SHISAL2B: variants seen among roughly 807,000 people sequenced by gnomAD.
The protein encoded by SHISAL2B is shisa like 2B, also known as protein shisa-like-2B.
Under a neutral mutation model 16.5 loss-of-function variants are expected in SHISAL2B, and 12 were observed. That is an observed-to-expected ratio of 0.73 (90% CI 0.47 to 1.18). The LOEUF (loss-of-function observed/expected upper bound fraction) is 1.18, where lower values mean the gene tolerates loss of function less well. Among genes scored for constraint, SHISAL2B ranks in the 50% most tolerant of loss-of-function variants. SHISAL2B has a pLI of 0.00. For synonymous variants in SHISAL2B, 72 were observed against 75.0 expected, an observed-to-expected ratio of 0.96 and a Z score of 0.21; for missense variants, 183 against 193.6, an observed-to-expected ratio of 0.95 and a Z score of 0.33.
Position 64,717,893 on chromosome 5 carries a change from G to C in SHISAL2B, c.354G>C (p.Lys118Asn), listed in dbSNP as rs1742079946. The change falls in exon 3 of 3, where the codon AAG becomes AAC. Residue 118 changes from lysine (K) to asparagine (N), a missense_variant. Physicochemically the swap from Lys to Asn is moderately conservative, Grantham distance 94. Coordinates refer to ENST00000389074, the MANE Select transcript of SHISAL2B (RefSeq NM_001164442.2). ...HLEASSTQEG[K>N]SNGKTKALNS... ...TTTTGTTTTGTGTATCTGCAGGCAA[G>C]TCAAATGGAAAAACCAAAGCCCTCA... 1 of 1,510,622 alleles carries C rather than the reference G, an allele frequency of 6.6e-7. No individual in the cohort carries two copies. Among genetic ancestry groups the C allele is most frequent in the East Asian group, 2.5e-5 (1 of 40,118 alleles). The allele number at this position is 1,510,622 out of a possible 1,614,324, so 93.6% of individuals were successfully genotyped here. A position where few individuals can be genotyped will look rare whatever the true frequency, so the allele number is the denominator to read the frequency against.
At chr5:64,714,862 G>A (rs1394508248) in intron 2 of SHISAL2B, among the ~76,000 whole-genome samples, 5 of 152,128 alleles carry the variant, frequency 3.3e-5, no homozygotes, top group East Asian at 1.9e-4. Flanking sequence ...GACCCCTTGC[G>A]CTTCCCAGGT....
intron 2 of SHISAL2B, among the ~76,000 whole-genome samples, chr5:64,699,682 A>G (rs980993126): frequency 1.3e-5 from 2 of 152,228 alleles, no homozygotes; most frequent in Non-Finnish European, 2.9e-5. Context: ...AACTGTTTTC[A>G]TTATAGGAAA....
At chr5:64,694,522 T>C (rs963312517) in intron 1 of SHISAL2B, among the ~76,000 whole-genome samples, 2 of 152,244 alleles carry the variant, frequency 1.3e-5, no homozygotes, top group African/African-American at 4.8e-5. Flanking sequence ...TGATTAGACT[T>C]AGAGGTAACT....
At chr5:64,714,836 A>G (rs185314161) in intron 2 of SHISAL2B, among the ~76,000 whole-genome samples, 1 of 152,234 alleles carries the variant, frequency 6.6e-6, no homozygotes, top group Non-Finnish European at 1.5e-5. Context: ...TCTTTGACTC[A>G]GAAAGGGAAC....
At chr5:64,712,807 C>T (rs1011440914) in intron 2 of SHISAL2B, among the ~76,000 whole-genome samples, 2 of 151,558 alleles carry the variant, frequency 1.3e-5, no homozygotes, top group African/African-American at 4.8e-5. Flanking sequence ...CCTTCTTTGT[C>T]TCTTTTGATC....
At chr5:64,703,640 T>C (rs1741840253) in intron 2 of SHISAL2B, among the ~76,000 whole-genome samples, 1 of 152,186 alleles carries the variant, frequency 6.6e-6, no homozygotes, top group Admixed American at 6.5e-5. Context: ...ATCTGCTAAC[T>C]TCCTTTGTAA....
chr5:64,692,984 T>C (rs1354155649), intron 1 of SHISAL2B, among the ~76,000 whole-genome samples: 5 of 152,124 alleles, frequency 3.3e-5, no homozygotes, highest in Non-Finnish European at 5.9e-5. Context: ...TACCTAGAGT[T>C]TTGCATGCAT....
chr5:64,695,723 G>T (rs1741723578), intron 2 of SHISAL2B, 59 bp downstream of exon 2: 1 of 1,249,858 alleles, frequency 8.0e-7, no homozygotes, highest in African/African-American at 1.5e-5. Flanking sequence ...AGAATAACTT[G>T]TACCTGGGTG....
At position 64,695,523 on chromosome 5, in the gene SHISAL2B, G is replaced by T; in HGVS notation, c.208G>T (p.Gly70Ter). Residue 70 changes from glycine to a stop codon, truncating the protein, a stop_gained, in exon 2 of 3, where the codon GGA (glycine) becomes TGA (stop). Coordinates refer to ENST00000389074, the MANE Select transcript of SHISAL2B (RefSeq NM_001164442.2). LOFTEE classifies it high-confidence loss of function. ...MWSLSIGALI[G>*]LGIAALVLLA... ...TTTCCTCAGCATTGGTGCCTTGATT[G>T]GACTAGGAATTGCTGCCCTTGTTTT... The T allele has an allele frequency of 1.3e-6, 2 of 1,533,874 alleles. No individual in the cohort carries two copies. Among genetic ancestry groups the T allele is most frequent in the Non-Finnish European group, 1.7e-6 (2 of 1,145,336 alleles).
chr5:64,691,141 C>T, intron 1 of SHISAL2B: 1 of 296,630 alleles, frequency 3.4e-6, no homozygotes. Context: ...CTGCTCTCCC[C>T]TCGCCGGGAC....
chr5:64,717,104 A>G (rs1742067444), intron 2 of SHISAL2B, among the ~76,000 whole-genome samples: 1 of 152,190 alleles, frequency 6.6e-6, no homozygotes, highest in South Asian at 2.1e-4. Flanking sequence ...ATGGTGAAGT[A>G]GCAGGGAGTA....
chr5:64,697,078 T>C (rs1741748908), intron 2 of SHISAL2B, among the ~76,000 whole-genome samples: 1 of 152,224 alleles, frequency 6.6e-6, no homozygotes, highest in South Asian at 2.1e-4. Context: ...AATTCCTCTC[T>C]TTGTACTCTT....
chr5:64,698,637 C>T (rs1280005302), intron 2 of SHISAL2B, among the ~76,000 whole-genome samples: 3 of 152,122 alleles, frequency 2.0e-5, no homozygotes, highest in Non-Finnish European at 4.4e-5. Flanking sequence ...CATTTAATAC[C>T]CTCTTCCTGC....
At chr5:64,712,869 T>C (rs1741979362) in intron 2 of SHISAL2B, among the ~76,000 whole-genome samples, 1 of 149,998 alleles carries the variant, frequency 6.7e-6, no homozygotes, top group Admixed American at 6.6e-5. Context: ...AACCCCTGCC[T>C]TTTTTTGTTT....
At chr5:64,717,825 C>A (rs1742078379) in intron 2 of SHISAL2B, 64 bp from the exon 3 acceptor site, 1 of 1,409,534 alleles carries the variant, frequency 7.1e-7, no homozygotes, top group Non-Finnish European at 9.4e-7. Flanking sequence ...TTTTTAAGTG[C>A]AAATTTTTAT....
At chr5:64,711,311 T>G (rs1408090013) in intron 2 of SHISAL2B, among the ~76,000 whole-genome samples, 1 of 148,212 alleles carries the variant, frequency 6.7e-6, no homozygotes, top group Non-Finnish European at 1.5e-5. Flanking sequence ...GGTTTTTGTC[T>G]TTGGTTCTGT....
chr5:64,708,841 A>C (rs1356777919), intron 2 of SHISAL2B, among the ~76,000 whole-genome samples: 1 of 152,154 alleles, frequency 6.6e-6, no homozygotes, highest in Non-Finnish European at 1.5e-5. Flanking sequence ...CATGTTTACA[A>C]GTAGAATATT....
At chr5:64,703,388 A>T (rs983173715) in intron 2 of SHISAL2B, among the ~76,000 whole-genome samples, 5 of 152,212 alleles carry the variant, frequency 3.3e-5, no homozygotes, top group Admixed American at 3.3e-4. Context: ...ATTTAAAATA[A>T]TGAGCCTAGA....
At chr5:64,697,127 A>G (rs1482146075) in intron 2 of SHISAL2B, among the ~76,000 whole-genome samples, 2 of 152,250 alleles carry the variant, frequency 1.3e-5, no homozygotes, top group African/African-American at 4.8e-5. Flanking sequence ...TAGGGAAAAT[A>G]GAAAGAACCT....
Sources: allele counts gnomAD v4.1 joint callset (sites outside exome capture counted in the v4.1 genomes callset), GRCh38; gene constraint gnomAD v4.1.1; transcripts MANE v1.5; gene names NCBI Gene and HGNC (gene_info 2026-07-23, HGNC 2026-07-21).